The following TMEM132D variants were observed in gnomAD, a reference collection of about 807,000 sequenced individuals.
TMEM132D encodes transmembrane protein 132D.
In TMEM132D, 21 loss-of-function variants were observed where a neutral mutation model predicts 62.3. That is an observed-to-expected ratio of 0.34 (90% CI 0.24 to 0.49). The LOEUF is 0.49. Ranked by LOEUF, TMEM132D falls within the 20% of genes least tolerant of loss-of-function variation. The probability of loss-of-function intolerance (pLI) is 0.99; values close to 1 mark genes in which losing one functional copy is unlikely to be tolerated. For synonymous variants in TMEM132D, 621 were observed against 575.6 expected, an observed-to-expected ratio of 1.08 and a Z score of -1.13; for missense variants, 1,346 against 1,402.8, an observed-to-expected ratio of 0.96 and a Z score of 0.65.
At chr12:129,539,579 T>TTC (rs199536110) in intron 2 of TMEM132D, among the ~76,000 whole-genome samples, 1 of 148,852 alleles carries the variant, frequency 6.7e-6, no homozygotes, top group East Asian at 2.0e-4. Flanking sequence ...TTTCTATTTT[T>TTC]TTTTTTTCTT....
At chr12:129,315,124 A>G (rs1868440541) in intron 4 of TMEM132D, among the ~76,000 whole-genome samples, 1 of 152,090 alleles carries the variant, frequency 6.6e-6, no homozygotes, top group Non-Finnish European at 1.5e-5. Context: ...TACCAGTTGG[A>G]TGCCCTTTAT....
intron 4 of TMEM132D, among the ~76,000 whole-genome samples, chr12:129,267,307 CCTT>C (rs1409107220): frequency 6.6e-6 from 1 of 152,186 alleles, no homozygotes. Flanking sequence ...CCCAAAATCT[CCTT>C]AAGCTGATAG....
intron 3 of TMEM132D, among the ~76,000 whole-genome samples, chr12:129,530,755 A>G (rs919895588): frequency 5.3e-5 from 8 of 152,188 alleles, no homozygotes; most frequent in African/African-American, 1.7e-4. Flanking sequence ...CTCCAATAAC[A>G]TGGACTAGAA....
At chr12:129,229,001 C>G (rs1879559973) in intron 4 of TMEM132D, among the ~76,000 whole-genome samples, 1 of 152,216 alleles carries the variant, frequency 6.6e-6, no homozygotes, top group East Asian at 1.9e-4. Context: ...TCCTCTTCTC[C>G]AGAGCTGACG....
At chr12:129,248,908 T>C (rs1880193678) in intron 4 of TMEM132D, among the ~76,000 whole-genome samples, 1 of 152,198 alleles carries the variant, frequency 6.6e-6, no homozygotes, top group Non-Finnish European at 1.5e-5. Context: ...TAGTATTCCA[T>C]GGTGTATATG....
At chr12:129,432,235 A>ATGCT (rs1872678513) in intron 3 of TMEM132D, among the ~76,000 whole-genome samples, 2 of 150,374 alleles carry the variant, frequency 1.3e-5, no homozygotes, top group Non-Finnish European at 3.0e-5. Flanking sequence ...GGATGGATGG[A>ATGCT]TGGATGGATG....
chr12:129,155,900 C>T (rs1249914256), intron 5 of TMEM132D, among the ~76,000 whole-genome samples: 1 of 151,974 alleles, frequency 6.6e-6, no homozygotes, highest in African/African-American at 2.4e-5. Context: ...CAACCCACTC[C>T]CAAGATAACT....
intron 3 of TMEM132D, among the ~76,000 whole-genome samples, chr12:129,514,053 A>G (rs571159417): frequency 6.7e-6 from 1 of 149,914 alleles, no homozygotes; most frequent in South Asian, 2.1e-4. Context: ...GTCAGCCAGG[A>G]TGGTCTCGAT....
At chr12:129,883,435 G>T (rs1339206672) in intron 1 of TMEM132D, among the ~76,000 whole-genome samples, 2 of 152,148 alleles carry the variant, frequency 1.3e-5, no homozygotes, top group Admixed American at 1.3e-4. Flanking sequence ...TTATTATTAA[G>T]ATGGCAGTTC....
intron 2 of TMEM132D, among the ~76,000 whole-genome samples, chr12:129,619,310 G>A (rs1413185947): frequency 6.6e-6 from 1 of 152,140 alleles, no homozygotes; most frequent in Non-Finnish European, 1.5e-5. Flanking sequence ...GAAGAGAATC[G>A]ATCTGCATCC....
At chr12:129,260,821 T>C (rs1299541194) in intron 4 of TMEM132D, among the ~76,000 whole-genome samples, 1 of 152,176 alleles carries the variant, frequency 6.6e-6, no homozygotes, top group Non-Finnish European at 1.5e-5. Flanking sequence ...CAGCTCCATC[T>C]AAGTTGCTGG....
intron 1 of TMEM132D, among the ~76,000 whole-genome samples, chr12:129,871,843 T>A (rs1446290732): frequency 6.6e-6 from 1 of 152,210 alleles, no homozygotes; most frequent in Non-Finnish European, 1.5e-5. Context: ...AGCCAGTCTC[T>A]GAACCCCACT....
intron 3 of TMEM132D, among the ~76,000 whole-genome samples, chr12:129,497,745 G>A (rs958430083): frequency 2.6e-5 from 4 of 151,648 alleles, no homozygotes; most frequent in East Asian, 1.9e-4. Context: ...CTACAGCCTC[G>A]ACTTCCCCGA....
intron 1 of TMEM132D, among the ~76,000 whole-genome samples, chr12:129,847,385 T>C (rs1873396214): frequency 1.3e-5 from 2 of 152,218 alleles, no homozygotes; most frequent in Admixed American, 6.5e-5. Context: ...GAAACAGTGG[T>C]GCAAAACACT....
chr12:129,245,864 C>A (rs1013257888), intron 4 of TMEM132D, among the ~76,000 whole-genome samples: 1 of 152,252 alleles, frequency 6.6e-6, no homozygotes, highest in East Asian at 1.9e-4. Context: ...CAGAGTTAGT[C>A]GCCACCCTAT....
At chr12:129,681,031 T>G (rs2137208295) in intron 2 of TMEM132D, among the ~76,000 whole-genome samples, 1 of 152,216 alleles carries the variant, frequency 6.6e-6, no homozygotes, top group Admixed American at 6.5e-5. Context: ...CCAAATGTAA[T>G]CAAAAGCCAG....
intron 1 of TMEM132D, among the ~76,000 whole-genome samples, chr12:129,785,218 G>T (rs1253978921): frequency 2.6e-5 from 4 of 152,112 alleles, no homozygotes; most frequent in African/African-American, 9.7e-5. Context: ...CAGCGCCCTG[G>T]CCTTCAGGGA....
chr12:129,295,216 A>C (rs934878982), intron 4 of TMEM132D, among the ~76,000 whole-genome samples: 1 of 152,148 alleles, frequency 6.6e-6, no homozygotes, highest in African/African-American at 2.4e-5. Flanking sequence ...GCTAGACACT[A>C]CGGAACACTG....
At chr12:129,616,311 C>A (rs1878916686) in intron 2 of TMEM132D, among the ~76,000 whole-genome samples, 2 of 152,166 alleles carry the variant, frequency 1.3e-5, no homozygotes, top group African/African-American at 4.8e-5. Context: ...CCAAGGCAGA[C>A]TGGCATGGAA....
Sources: allele counts gnomAD v4.1 joint callset (sites outside exome capture counted in the v4.1 genomes callset), GRCh38; gene constraint gnomAD v4.1.1; transcripts MANE v1.5; gene names NCBI Gene and HGNC (gene_info 2026-07-23, HGNC 2026-07-21).